Variants in SEMA4C observed in about 807,000 individuals in gnomAD.
SEMA4C encodes semaphorin 4C, also known as semaphorin-4C.
In SEMA4C, 19 loss-of-function variants were observed where a neutral mutation model predicts 89.0. That is an observed-to-expected ratio of 0.21 (90% CI 0.15 to 0.31). SEMA4C has a LOEUF of 0.31. Ranked by LOEUF, SEMA4C falls within the 10% of genes least tolerant of loss-of-function variation. SEMA4C has a pLI of 1.00. For missense variants in SEMA4C, 811 were observed against 1,107.0 expected (o/e 0.73, Z 3.79); for synonymous variants, 428 against 472.7 (o/e 0.91, Z 1.23).
rs766912306 is a variant in SEMA4C, at chr2:96,861,833, T to G, written c.1505A>C (p.Lys502Thr). 2 of 1,612,704 alleles carry G rather than the reference T, an allele frequency of 1.2e-6. No individual in the cohort carries two copies. The highest frequency in any genetic ancestry group is 2.7e-5 in the African/African-American group (2 of 74,940). Residue 502 changes from lysine (K) to threonine (T), a missense_variant, in exon 13 of 15, where the codon AAG (lysine) becomes ACG (threonine). Around this residue, in one of 4 missense-constraint regions of SEMA4C, gnomAD observed 441 missense variants for 664.9 expected, o/e 0.66. Transcript: ENST00000305476. The surrounding 1 kb of genome is among the most constrained non-coding windows in gnomAD (Gnocchi z 7.8). ...LVQLPVADCM[K>T]YRSCADCVLA... The stretch of plus-strand genomic sequence containing the variant: ...GACACAGTCTGCACAGGAGCGATAC[T>G]TCATGCAGTCGGCCACGGGCAGCTG...
Position 96,865,334 on chromosome 2 carries a change from A to G in SEMA4C, c.518-14T>C, listed in dbSNP as rs1559035074. The G allele has an allele frequency of 1.2e-6, 2 of 1,613,786 alleles. No homozygotes were observed. Among genetic ancestry groups the G allele is most frequent in the Non-Finnish European group, 1.7e-6 (2 of 1,179,704 alleles). On this transcript the variant is annotated splice_polypyrimidine_tract_variant and intron_variant, in intron 6 of 14. Coordinates refer to ENST00000305476, the MANE Select transcript of SEMA4C (RefSeq NM_017789.5). ...ACAGCTCACCATCTATGGGAGACAG[A>G]GGTCAGCTAGGCCACACATGAGGTA...
Position 96,860,648 on chromosome 2 carries a change from T to G in SEMA4C, c.2480A>C (p.Asn827Thr). The change falls in exon 15 of 15, where the codon AAC becomes ACC. Residue 827 changes from asparagine (N) to threonine (T), a missense_variant. Coordinates refer to ENST00000305476, the MANE Select transcript of SEMA4C (RefSeq NM_017789.5). ...LQQRQPLPDS[N>T]PEESSV ...CCCTCATACTGATGACTCCTCGGGGTTGGAGTCGGGCAGTGGCTGGCGTTG... is the reference window on the plus strand; with the variant it reads ...CCCTCATACTGATGACTCCTCGGGGGTGGAGTCGGGCAGTGGCTGGCGTTG... 6.2e-7 allele frequency: 1 copy of G among 1,611,088 alleles called. No individual in the cohort carries two copies. Among genetic ancestry groups the G allele is most frequent in the Non-Finnish European group, 8.5e-7 (1 of 1,178,448 alleles).
Position 96,860,969 on chromosome 2 carries a change from A to G in SEMA4C, c.2159T>C (p.Phe720Ser). The G allele has an allele frequency of 6.2e-7, 1 of 1,613,000 alleles. No homozygotes were observed. The highest frequency in any genetic ancestry group is 8.5e-7 in the Non-Finnish European group (1 of 1,180,006). The change falls in exon 15 of 15, where the codon TTC becomes TCC. Residue 720 changes from phenylalanine (F) to serine (S), a missense_variant. Around this residue, in one of 4 missense-constraint regions of SEMA4C, gnomAD observed 248 missense variants for 269.0 expected, o/e 0.92. Transcript: ENST00000305476. ...CTCATCTGGTTCAGGACAGGGCCGG[A>G]AGGGGGGACTGGTGGGCTCCTTGGG... ...ELPKEPTSPPFRPCPEPDEKL... is the reference protein window; with the variant it reads ...ELPKEPTSPPSRPCPEPDEKL...
At chr2:96,868,493 C>T in intron 1 of SEMA4C, 1 of 988,980 alleles carries the variant, frequency 1.0e-6, no homozygotes, top group Non-Finnish European at 1.2e-6. Context: ...CCCTGCAGAA[C>T]CCCAAACCCC....
Position 96,861,499 on chromosome 2 carries a change from C to A in SEMA4C, c.1673-44G>T, listed in dbSNP as rs774066938. 6.2e-7 allele frequency: 1 copy of A among 1,609,610 alleles called. No homozygotes were observed. Among genetic ancestry groups the A allele is most frequent in the Non-Finnish European group, 8.5e-7 (1 of 1,176,570 alleles). On this transcript the variant is annotated intron_variant, in intron 14 of 14. Coordinates refer to ENST00000305476, the MANE Select transcript of SEMA4C (RefSeq NM_017789.5). This position sits in a 1 kb window ranked among gnomAD's most constrained non-coding sequence, Gnocchi z 7.8. ...CAGAGTGCATGTTAGTGCAGGAAAG[C>A]AGGGCTGGGGAAGAGGAGAACAGAA...
In SEMA4C at chr2:96,865,771, G is replaced by A; in HGVS notation, c.322-7C>T. The A allele has an allele frequency of 1.2e-6, 2 of 1,614,078 alleles. No individual in the cohort carries two copies. On this transcript the variant is annotated splice_polypyrimidine_tract_variant and splice_region_variant and intron_variant, in intron 4 of 14. Coordinates refer to ENST00000305476, the MANE Select transcript of SEMA4C (RefSeq NM_017789.5). Reference sequence around the variant, plus strand: ...TGAAGTTGAAGCACTCGGTCTGGGGGCAGAAAGGTGTCCGGTTAGTGAGAG... The same window carrying A: ...TGAAGTTGAAGCACTCGGTCTGGGGACAGAAAGGTGTCCGGTTAGTGAGAG...
rs916746251 is a variant in SEMA4C at position 96,870,019 on chromosome 2, C to T, written c.-181G>A. 4 of 985,390 alleles carry T rather than the reference C, an allele frequency of 4.1e-6. No individual in the cohort carries two copies. The African/African-American group carries it at 7.0e-5, about 17-fold the overall frequency. The allele number at this position is 985,390 out of a possible 1,614,324, so 61.0% of individuals were successfully genotyped here. Reference sequence around the variant, plus strand: ...CTGCCACCGCCCCTCCGTCCCCGCCCGGCTCCGCGCCCCTAGGCTCGGGCT... The same window carrying T: ...CTGCCACCGCCCCTCCGTCCCCGCCTGGCTCCGCGCCCCTAGGCTCGGGCT... On this transcript the variant is annotated 5_prime_UTR_variant, in exon 1 of 15. Coordinates refer to ENST00000305476, the MANE Select transcript of SEMA4C (RefSeq NM_017789.5).
chr2:96,866,178 A>G (rs2080066404), intron 3 of SEMA4C, 105 bp downstream of exon 3: 1 of 1,466,756 alleles, frequency 6.8e-7, no homozygotes. Context: ...GCCCAGCAGC[A>G]CTTCTGTGGG....
In SEMA4C at chr2:96,865,435, A is replaced by G; in HGVS notation, c.517+6T>C. ...CACCCAGCCTGCATGGGGGGCAGCC[A>G]CTCACCCACAAGAAGGCCAGCATGG... On this transcript the variant is annotated splice_donor_region_variant and intron_variant, in intron 6 of 14. Transcript: ENST00000305476. The G allele has an allele frequency of 6.2e-7, 1 of 1,613,322 alleles. No individual in the cohort carries two copies.
Position 96,860,297 on chromosome 2 carries a change from CAT to C in SEMA4C, c.*327_*328del. On this transcript the variant is annotated 3_prime_UTR_variant, in exon 15 of 15. Transcript: ENST00000305476. ...AAGCGCGCACGCGCGTGCACACACA[CAT>C]ACACACACACACAAACACATGTGCA... is the stretch of plus-strand genomic sequence containing the variant. 2 of 361,054 alleles carry C rather than the reference CAT, an allele frequency of 5.5e-6. No individual in the cohort carries two copies. The highest frequency in any genetic ancestry group is 1.0e-5 in the Non-Finnish European group (2 of 198,626). The allele number at this position is 361,054 out of a possible 1,614,324, so 22.4% of individuals were successfully genotyped here. A position where few individuals can be genotyped will look rare whatever the true frequency, so the allele number is the denominator to read the frequency against.
chr2:96,870,452 G>T, upstream of SEMA4C: 1 of 920,734 alleles, frequency 1.1e-6, no homozygotes, highest in Non-Finnish European at 1.3e-6. Context: ...CCGTGCAGTT[G>T]CAGGAACGAC....
chr2:96,864,343 C>T lies in SEMA4C; in HGVS notation c.1002G>A (p.Leu334=), dbSNP rs2080020145. 3 of 1,613,866 alleles carry T rather than the reference C, an allele frequency of 1.9e-6. No individual in the cohort carries two copies. Among genetic ancestry groups the T allele is most frequent in the Non-Finnish European group, 2.5e-6 (3 of 1,180,022 alleles). Residue 334 remains leucine (L), a synonymous_variant, in exon 10 of 15, where the codon TTG becomes TTA. Coordinates refer to ENST00000305476, the MANE Select transcript of SEMA4C (RefSeq NM_017789.5). This position sits in a 1 kb window ranked among gnomAD's most constrained non-coding sequence, Gnocchi z 6.3. ...CCTCAAACACCCGCTGGATCTCTTC[C>T]AACTGGTACTCACAGATGGCCGACA... ...MYLSAICEYQ[L]EEIQRVFEGP...
rs2079929911 is a variant in SEMA4C at position 96,861,046 on chromosome 2, C to T, written c.2082G>A (p.Leu694=). The T allele has an allele frequency of 6.2e-7, 1 of 1,612,904 alleles. No homozygotes were observed. Among genetic ancestry groups the T allele is most frequent in the Middle Eastern group, 1.6e-4 (1 of 6,062 alleles). ...TCTCAGTAGCCTTGGCCCCTTTCTCCAGCTCTTCCCGCAGCCGCCGGCGCA... is the reference window on the plus strand; with the variant it reads ...TCTCAGTAGCCTTGGCCCCTTTCTCTAGCTCTTCCCGCAGCCGCCGGCGCA... The part of the protein sequence containing the change: ...LSLRRRLREE[L]EKGAKATERT... Residue 694 remains leucine (L), a synonymous_variant, in exon 15 of 15, where the codon CTG becomes CTA. Transcript: ENST00000305476. The surrounding 1 kb of genome is among the most constrained non-coding windows in gnomAD (Gnocchi z 7.8).
At chr2:96,868,988 G>T (rs2080146014) in intron 1 of SEMA4C, 2 of 985,256 alleles carry the variant, frequency 2.0e-6, no homozygotes, top group Admixed American at 6.1e-5. Context: ...TCCCCGCCAA[G>T]ACCCCGTCCC....
At position 96,861,035 on chromosome 2, in the gene SEMA4C, G is replaced by A; in HGVS notation, c.2093C>T (p.Ala698Val). The A allele has an allele frequency of 5.0e-6, 8 of 1,612,928 alleles. No homozygotes were observed. The highest frequency in any genetic ancestry group is 6.8e-6 in the Non-Finnish European group (8 of 1,180,006). ...CACCAAGGTCCTCTCAGTAGCCTTG[G>A]CCCCTTTCTCCAGCTCTTCCCGCAG... Reference protein sequence around the residue: ...RRLREELEKGAKATERTLVYP... With the variant: ...RRLREELEKGVKATERTLVYP... The change falls in exon 15 of 15, where the codon GCC (alanine) becomes GTC (valine). Residue 698 changes from alanine to valine, a missense_variant. Physicochemically the swap from Ala to Val is moderately conservative, Grantham distance 64. Coordinates refer to ENST00000305476, the MANE Select transcript of SEMA4C (RefSeq NM_017789.5). The surrounding 1 kb of genome is among the most constrained non-coding windows in gnomAD (Gnocchi z 7.8).
Position 96,867,808 on chromosome 2 carries a change from G to A in SEMA4C, c.79C>T (p.Leu27Phe). The A allele has an allele frequency of 6.2e-7, 1 of 1,613,600 alleles. No individual in the cohort carries two copies. The highest frequency in any genetic ancestry group is 8.5e-7 in the Non-Finnish European group (1 of 1,179,908). Residue 27 changes from leucine to phenylalanine, a missense_variant, in exon 2 of 15, where the codon CTT becomes TTT. Physicochemically the swap from Leu to Phe is conservative, Grantham distance 22. Transcript: ENST00000305476. ...LGIGAEVWWN[L>F]VPRKTVSSGE... Reference sequence around the variant, plus strand: ...GAAGACACTGTCTTACGCGGCACAAGGTTCCACCACACCTCAGCCCCAATG... The same window carrying A: ...GAAGACACTGTCTTACGCGGCACAAAGTTCCACCACACCTCAGCCCCAATG...
In SEMA4C at chr2:96,866,411, G is replaced by A. The variant is rs765364483; in HGVS notation, c.130C>T (p.Arg44Trp). ...SSGELATVVRRFSQTGIQDFL... is the reference protein window; with the variant it reads ...SSGELATVVRWFSQTGIQDFL... Reference sequence around the variant, plus strand: ...TCCTGGATGCCGGTCTGGGAGAACCGCCGTACTACCGTGGCCAGCTCTGCA... The same window carrying A: ...TCCTGGATGCCGGTCTGGGAGAACCACCGTACTACCGTGGCCAGCTCTGCA... The change falls in exon 3 of 15, where the codon CGG (arginine) becomes TGG (tryptophan). Residue 44 changes from arginine (R) to tryptophan (W), a missense_variant. Coordinates refer to ENST00000305476, the MANE Select transcript of SEMA4C (RefSeq NM_017789.5). 6 of 1,613,836 alleles carry A rather than the reference G, an allele frequency of 3.7e-6. No individual in the cohort carries two copies. Among genetic ancestry groups the A allele is most frequent in the South Asian group, 2.2e-5 (2 of 91,094 alleles).
In SEMA4C at chr2:96,861,690, C is replaced by G. The variant is rs371662483; in HGVS notation, c.1602-41G>C. On this transcript the variant is annotated intron_variant, in intron 13 of 14. Transcript: ENST00000305476. The surrounding 1 kb of genome is among the most constrained non-coding windows in gnomAD (Gnocchi z 7.8). ...GGGTACATCAGCAGCCTGGCTCCAACCACCCTGAGTCCCTGGAGGTCCTGG... is the reference window on the plus strand; with the variant it reads ...GGGTACATCAGCAGCCTGGCTCCAAGCACCCTGAGTCCCTGGAGGTCCTGG... 4.2e-4 allele frequency: 677 copies of G among 1,599,686 alleles called. 2 individuals are homozygous for G. The highest frequency in any genetic ancestry group is 1.3e-3 in the South Asian group (119 of 89,824).
upstream of SEMA4C, chr2:96,870,084 G>A (rs893094499): frequency 5.5e-5 from 53 of 972,128 alleles, no homozygotes; most frequent in Non-Finnish European, 6.2e-5. Flanking sequence ...TTTCTCCAGC[G>A]CGGCCGCGGC....
Sources: allele counts gnomAD v4.1 joint callset, GRCh38; gene constraint gnomAD v4.1.1; regional missense constraint gnomAD v4.1.1; non-coding constraint Gnocchi (gnomAD v3.1); transcripts MANE v1.5; gene names NCBI Gene and HGNC (gene_info 2026-07-23, HGNC 2026-07-21).